The following DOCK5 variants were observed in gnomAD, a reference collection of about 807,000 sequenced individuals.
DOCK5 encodes dedicator of cytokinesis protein 5.
In DOCK5, 142 loss-of-function variants were observed where a neutral mutation model predicts 251.8. The observed-to-expected ratio is 0.56, with a 90% CI of 0.49 to 0.65. DOCK5 has a LOEUF of 0.65. DOCK5 is among the 30% of genes least tolerant of loss of function. The pLI is 0.00. For missense variants in DOCK5, 2,111 were observed against 2,312.3 expected, an observed-to-expected ratio of 0.91 and a Z score of 1.79; for synonymous variants, 842 against 835.5, an observed-to-expected ratio of 1.01 and a Z score of -0.13.
chr8:25,230,609 G>C (rs1388704319), intron 1 of DOCK5, among the ~76,000 whole-genome samples: 1 of 152,086 alleles, frequency 6.6e-6, no homozygotes, highest in Non-Finnish European at 1.5e-5. Context: ...CCAGCACTTT[G>C]GGAGGCCAAA....
In DOCK5 at chr8:25,386,569, G is replaced by A. The variant is rs556055139; in HGVS notation, c.4132-2522G>A. On this transcript the variant is annotated intron_variant, in intron 40 of 51. Transcript: ENST00000276440. ...GCTGTGATCAAGCCACTGCACTCCA[G>A]CCTGGATGACAGAGTGAGACCCTGT... is the stretch of plus-strand genomic sequence containing the variant. Among the ~76,000 whole-genome samples, 10 of 152,274 alleles carry A rather than the reference G, an allele frequency of 6.6e-5. No individual in the cohort carries two copies. The East Asian group carries it at 1.7e-3, about 26-fold the overall frequency.
chr8:25,316,960 G>C, intron 13 of DOCK5, 47 bp from the exon 14 acceptor site: 2 of 1,605,490 alleles, frequency 1.2e-6, no homozygotes, highest in Non-Finnish European at 1.7e-6. Flanking sequence ...CTGAAACTTA[G>C]AATGACTTCT....
intron 2 of DOCK5, among the ~76,000 whole-genome samples, chr8:25,265,263 C>T (rs1803709719): frequency 6.6e-6 from 1 of 151,988 alleles, no homozygotes; most frequent in South Asian, 2.1e-4. Flanking sequence ...TGTAAAAGTT[C>T]CTGGTGGGTC....
rs188496901 is a variant in DOCK5, at chr8:25,239,280, T to C, written c.44-4394T>C. Among the ~76,000 whole-genome samples the C allele has an allele frequency of 7.9e-5, 12 of 152,052 alleles. No homozygotes were observed. In the East Asian group the frequency reaches 2.3e-3, roughly 29 times the overall value. ...GTATTTTGGGTCAGGCTTAGAGATC[T>C]AGGTTTTAAGCAAACCGGTCTTTGG... On this transcript the variant is annotated intron_variant, in intron 1 of 51. Transcript: ENST00000276440.
chr8:25,346,426 C>T (rs1430042548), intron 26 of DOCK5, among the ~76,000 whole-genome samples: 2 of 152,210 alleles, frequency 1.3e-5, no homozygotes, highest in Non-Finnish European at 2.9e-5. Context: ...GAGAAGTTCT[C>T]ATTTCCATAT....
intron 28 of DOCK5, among the ~76,000 whole-genome samples, chr8:25,361,578 C>T (rs929638654): frequency 6.6e-6 from 1 of 152,186 alleles, no homozygotes; most frequent in African/African-American, 2.4e-5. Context: ...TGTGCCGCTG[C>T]ACTCCAGCCT....
intron 1 of DOCK5, among the ~76,000 whole-genome samples, chr8:25,201,180 T>G (rs1801871878): frequency 6.6e-6 from 1 of 152,242 alleles, no homozygotes; most frequent in African/African-American, 2.4e-5. Context: ...ATGCTGGGAT[T>G]ACAGGCGTGA....
chr8:25,280,243 T>A (rs556314281), intron 5 of DOCK5, among the ~76,000 whole-genome samples: 3 of 152,242 alleles, frequency 2.0e-5, no homozygotes, highest in Admixed American at 2.0e-4. Flanking sequence ...TAGACCAGAC[T>A]TGATGGCCTG....
At position 25,225,101 on chromosome 8, in the gene DOCK5, T is replaced by TG. The variant is rs1380207392; in HGVS notation, c.44-18571dup. ...AACAAAAAACAAAAACCAAAATAAATGGTCATCCAGGATGTGGAGAAATTG... is the reference window on the plus strand; with the variant it reads ...AACAAAAAACAAAAACCAAAATAAATGGGTCATCCAGGATGTGGAGAAATTG... On this transcript the variant is annotated intron_variant, in intron 1 of 51. Coordinates refer to ENST00000276440, the MANE Select transcript of DOCK5 (RefSeq NM_024940.8). Among the ~76,000 whole-genome samples, 6 of 152,238 alleles carry TG rather than the reference T, an allele frequency of 3.9e-5. No individual in the cohort carries two copies. The East Asian group carries it at 1.2e-3, about 29-fold the overall frequency.
chr8:25,404,008 A>T (rs1801482637), intron 48 of DOCK5, among the ~76,000 whole-genome samples: 1 of 152,170 alleles, frequency 6.6e-6, no homozygotes, highest in Admixed American at 6.5e-5. Context: ...CTATTTTATG[A>T]ATAGGTTTTA....
chr8:25,301,702 C>CAAA (rs5890221), intron 9 of DOCK5, among the ~76,000 whole-genome samples: 2 of 136,838 alleles, frequency 1.5e-5, no homozygotes, highest in Non-Finnish European at 1.6e-5. Context: ...GAGACCTTGT[C>CAAA]AAAAAAAAAA....
chr8:25,246,405 T>C (rs1160039978), intron 2 of DOCK5, among the ~76,000 whole-genome samples: 1 of 152,008 alleles, frequency 6.6e-6, no homozygotes, highest in Non-Finnish European at 1.5e-5. Flanking sequence ...TCCTGAGTAG[T>C]TGGGATTACA....
At chr8:25,205,250 ACTCT>A (rs1004856413) in intron 1 of DOCK5, among the ~76,000 whole-genome samples, 4 of 150,110 alleles carry the variant, frequency 2.7e-5, no homozygotes, top group Non-Finnish European at 4.4e-5. Context: ...GCTGTCTCTC[ACTCT>A]CTCTCCCTCT....
chr8:25,344,952 A>G (rs139990739), intron 25 of DOCK5, among the ~76,000 whole-genome samples: 4,579 of 152,292 alleles, frequency 0.03, 113 homozygotes, highest in Non-Finnish European at 0.045. Flanking sequence ...CTCAGAAGAC[A>G]TAATAGGTCA....
At chr8:25,320,382 A>T (rs1043693685) in intron 15 of DOCK5, among the ~76,000 whole-genome samples, 4 of 152,230 alleles carry the variant, frequency 2.6e-5, no homozygotes, top group African/African-American at 9.6e-5. Context: ...CTGTTGATAC[A>T]AATTTATATT....
intron 2 of DOCK5, among the ~76,000 whole-genome samples, chr8:25,255,163 AAC>A (rs1189426864): frequency 4.6e-5 from 7 of 152,208 alleles, no homozygotes. Flanking sequence ...TAGAAAGCTA[AAC>A]ACACTCTCAT....
Position 25,325,385 on chromosome 8 carries a change from G to A in DOCK5, c.1741G>A (p.Asp581Asn), listed in dbSNP as rs757829123. 2 of 1,613,692 alleles carry A rather than the reference G, an allele frequency of 1.2e-6. No individual in the cohort carries two copies. The highest frequency in any genetic ancestry group is 1.1e-5 in the South Asian group (1 of 91,064). ...VYKGDNKKME[D>N]AKFYLTLPGT... Reference sequence around the variant, plus strand: ...TTAGGGTGACAACAAAAAAATGGAAGATGCTAAATTCTACCTGACCCTGCC... The same window carrying A: ...TTAGGGTGACAACAAAAAAATGGAAAATGCTAAATTCTACCTGACCCTGCC... The change falls in exon 18 of 52, where the codon GAT becomes AAT. Residue 581 changes from aspartate to asparagine, a missense_variant. Asp to Asn is a conservative substitution (Grantham distance 23). Around this residue, in one of 3 missense-constraint regions of DOCK5, gnomAD observed 1,717 missense variants for 1,892.4 expected, o/e 0.91. Transcript: ENST00000276440.
At chr8:25,343,122 CT>C (rs1800279980) in intron 25 of DOCK5, among the ~76,000 whole-genome samples, 1 of 152,062 alleles carries the variant, frequency 6.6e-6, no homozygotes, top group South Asian at 2.1e-4. Context: ...CCTCAGCCCC[CT>C]GAGTAGCTGG....
At chr8:25,378,241 A>G (rs1800998701) in intron 38 of DOCK5, among the ~76,000 whole-genome samples, 1 of 152,156 alleles carries the variant, frequency 6.6e-6, no homozygotes, top group Non-Finnish European at 1.5e-5. Flanking sequence ...CCTCATTAGC[A>G]TAGATTTGGG....
Sources: gnomAD v4.1 joint callset for allele counts (sites outside exome capture counted in the v4.1 genomes callset) on GRCh38, gnomAD v4.1.1 for gene constraint, gnomAD v4.1.1 regional missense constraint, MANE v1.5 for transcripts, NCBI Gene and HGNC (gene_info 2026-07-23, HGNC 2026-07-21) for gene names.